Variants in PRUNE2 observed in about 807,000 individuals in gnomAD.
PRUNE2 encodes protein prune homolog 2.
Under a neutral mutation model 252.0 loss-of-function variants are expected in PRUNE2, and 164 were observed. The observed-to-expected ratio is 0.65, with a 90% CI of 0.57 to 0.74. The LOEUF (loss-of-function observed/expected upper bound fraction) is 0.74, where lower values mean the gene tolerates loss of function less well. PRUNE2 is among the 30% of genes least tolerant of loss of function. The pLI is 0.00. For missense variants in PRUNE2, 3,495 were observed against 3,711.0 expected (o/e 0.94, Z 1.51); for synonymous variants, 1,292 against 1,350.2 (o/e 0.96, Z 0.94).
At chr9:76,762,698 C>A (rs78705373) in intron 6 of PRUNE2, among the ~76,000 whole-genome samples, 1,632 of 152,198 alleles carry the variant, frequency 0.011, 28 homozygotes, top group East Asian at 0.079. Flanking sequence ...TGTATGGAGG[C>A]GGAGGTCCCT....
chr9:76,790,162 T>TC (rs2055416888), intron 6 of PRUNE2, among the ~76,000 whole-genome samples: 1 of 152,166 alleles, frequency 6.6e-6, no homozygotes, highest in Admixed American at 6.5e-5. Flanking sequence ...TTGTTCATAC[T>TC]CCAAGTAAGC....
At position 76,792,153 on chromosome 9, in the gene PRUNE2, G is replaced by T. The variant is rs115495178; in HGVS notation, c.756+31479C>A. Among the ~76,000 whole-genome samples, 1,448 of 151,840 alleles carry T rather than the reference G, an allele frequency of 9.5e-3. 19 individuals are homozygous for T. The highest frequency in any genetic ancestry group is 0.034 in the African/African-American group (1,385 of 41,186). On this transcript the variant is annotated intron_variant, in intron 6 of 18. Transcript: ENST00000376718. ...GCTGCTATATTTCCCATGTGTGGTG[G>T]GAGGGGCCTGGTGGGAGGTAATTGA...
At chr9:76,663,086 T>C (rs770711178) in intron 9 of PRUNE2, among the ~76,000 whole-genome samples, 27 of 152,216 alleles carry the variant, frequency 1.8e-4, no homozygotes, top group Admixed American at 4.6e-4. Context: ...TGGCACCCTG[T>C]GAACCACAGA....
chr9:76,850,466 GC>G lies in PRUNE2; in HGVS notation c.340del (p.Ala114ArgfsTer7). 6.2e-7 allele frequency: 1 copy of G among 1,612,802 alleles called. No individual in the cohort carries two copies. The highest frequency in any genetic ancestry group is 8.5e-7 in the Non-Finnish European group (1 of 1,178,840). On this transcript the variant is annotated frameshift_variant, in exon 3 of 19. Coordinates refer to ENST00000376718, the MANE Select transcript of PRUNE2 (RefSeq NM_015225.3). LOFTEE classifies it high-confidence loss of function. ...AGAGCTTCACAGTGGATCTTACCTC[GC>G]CAGCACACTGCTGCCAACAAGTGTT... ...SITLVGSSVL[A>X]SEDKTLESAV...
chr9:76,869,826 G>A (rs1041986284), intron 1 of PRUNE2, among the ~76,000 whole-genome samples: 2 of 152,282 alleles, frequency 1.3e-5, no homozygotes, highest in South Asian at 2.1e-4. Flanking sequence ...TTTTTCAGCT[G>A]CTCAAACATT....
Position 76,703,490 on chromosome 9 carries a change from C to T in PRUNE2, c.8123G>A (p.Gly2708Asp), listed in dbSNP as rs373017513. 2 of 1,613,870 alleles carry T rather than the reference C, an allele frequency of 1.2e-6. No individual in the cohort carries two copies. Among genetic ancestry groups the T allele is most frequent in the Non-Finnish European group, 1.7e-6 (2 of 1,179,852 alleles). ...AGCCTGCAACGTAACTGCATCCGGGCCAGCCCTGCCTCGGCTCTTACTCTT... is the reference window on the plus strand; with the variant it reads ...AGCCTGCAACGTAACTGCATCCGGGTCAGCCCTGCCTCGGCTCTTACTCTT... ...SQKSKSRGRA[G>D]PDAVTLQAVT... The change falls in exon 9 of 19, where the codon GGC (glycine) becomes GAC (aspartate). Residue 2708 changes from glycine (G) to aspartate (D), a missense_variant. Gly to Asp is a moderately conservative substitution (Grantham distance 94). Coordinates refer to ENST00000376718, the MANE Select transcript of PRUNE2 (RefSeq NM_015225.3).
chr9:76,849,869 A>G (rs2059863436), intron 3 of PRUNE2, among the ~76,000 whole-genome samples: 1 of 152,014 alleles, frequency 6.6e-6, no homozygotes, highest in African/African-American at 2.4e-5. Context: ...ACCCCCTATA[A>G]TTTGGTCAAT....
intron 1 of PRUNE2, among the ~76,000 whole-genome samples, chr9:76,870,667 C>T (rs2061141938): frequency 7.0e-6 from 1 of 143,584 alleles, no homozygotes; most frequent in East Asian, 2.0e-4. Flanking sequence ...GCCTGGGTGA[C>T]AGAGCGAGAT....
rs2051263613 is a variant in PRUNE2, at chr9:76,757,504, T to C, written c.757-43783A>G. On this transcript the variant is annotated intron_variant, in intron 6 of 18. Coordinates refer to ENST00000376718, the MANE Select transcript of PRUNE2 (RefSeq NM_015225.3). ...CTGAAATTTCAGAAACTAAAGCATC[T>C]ATAAACCATTCTAAGTTTTTCTGCT... Among the ~76,000 whole-genome samples the C allele has an allele frequency of 5.3e-5, 8 of 152,318 alleles. No homozygotes were observed. The South Asian group carries it at 1.7e-3, about 32-fold the overall frequency.
At chr9:76,652,862 C>T (rs570578101) in intron 10 of PRUNE2, among the ~76,000 whole-genome samples, 179 bp from the exon 11 acceptor site, 3 of 152,116 alleles carry the variant, frequency 2.0e-5, no homozygotes, top group African/African-American at 7.2e-5. Flanking sequence ...GATGTTCAGC[C>T]AGTAAGTATA....
chr9:76,872,245 C>A (rs2061248405), intron 1 of PRUNE2, among the ~76,000 whole-genome samples: 1 of 152,212 alleles, frequency 6.6e-6, no homozygotes, highest in Non-Finnish European at 1.5e-5. Context: ...AGCTCCTCCT[C>A]AGCTCTTTGC....
intron 6 of PRUNE2, among the ~76,000 whole-genome samples, chr9:76,800,029 T>A (rs35260044): frequency 6.6e-6 from 1 of 152,114 alleles, no homozygotes; most frequent in East Asian, 1.9e-4. Flanking sequence ...AGACCCCAGA[T>A]GAAAATCTCA....
At chr9:76,768,159 T>C (rs983815585) in intron 6 of PRUNE2, among the ~76,000 whole-genome samples, 4 of 151,982 alleles carry the variant, frequency 2.6e-5, no homozygotes, top group Admixed American at 6.6e-5. Flanking sequence ...AGCTTGGCTA[T>C]ACCTTGCCCT....
At chr9:76,752,330 C>A (rs1302188809) in intron 6 of PRUNE2, among the ~76,000 whole-genome samples, 7 of 152,118 alleles carry the variant, frequency 4.6e-5, no homozygotes, top group Non-Finnish European at 7.4e-5. Flanking sequence ...ATCTCCTGAC[C>A]TCGTGATCCA....
chr9:76,687,855 G>A (rs530658119), intron 9 of PRUNE2, among the ~76,000 whole-genome samples: 32 of 152,178 alleles, frequency 2.1e-4, no homozygotes, highest in Non-Finnish European at 3.7e-4. Flanking sequence ...AGTCCTACAC[G>A]AATTTCAGAG....
chr9:76,906,101 C>A lies in PRUNE2; in HGVS notation c.-138G>T. The stretch of plus-strand genomic sequence containing the variant: ...ACTGCTCCCTCCTGCCGCTCTGAGG[C>A]GGCTGCGGCGGAGGCTGTGCTTGCG... On this transcript the variant is annotated 5_prime_UTR_variant, in exon 1 of 19. Coordinates refer to ENST00000376718, the MANE Select transcript of PRUNE2 (RefSeq NM_015225.3). The A allele has an allele frequency of 1.1e-6, 1 of 925,476 alleles. No individual in the cohort carries two copies. Among genetic ancestry groups the A allele is most frequent in the Non-Finnish European group, 1.7e-6 (1 of 573,800 alleles). 57.3% of individuals were successfully genotyped at this position (925,476 alleles called of 1,614,324 possible). A position where few individuals can be genotyped will look rare whatever the true frequency, so the allele number is the denominator to read the frequency against.
chr9:76,885,134 A>C (rs533852796), intron 1 of PRUNE2, among the ~76,000 whole-genome samples: 2 of 143,618 alleles, frequency 1.4e-5, no homozygotes, highest in African/African-American at 6.0e-5. Context: ...TAAAGGGGGA[A>C]AAAAATCAAA....
chr9:76,651,480 T>A (rs1588163195), intron 11 of PRUNE2, among the ~76,000 whole-genome samples: 1 of 152,228 alleles, frequency 6.6e-6, no homozygotes, highest in East Asian at 1.9e-4. Flanking sequence ...CTTTTAAGAT[T>A]GCGTGAATTT....
chr9:76,898,833 CTCT>C (rs2062999412), intron 1 of PRUNE2, among the ~76,000 whole-genome samples: 1 of 152,186 alleles, frequency 6.6e-6, no homozygotes, highest in Non-Finnish European at 1.5e-5. Context: ...TTCAAAAAGA[CTCT>C]GGCATTACAG....
Sources: allele counts gnomAD v4.1 joint callset (sites outside exome capture counted in the v4.1 genomes callset), GRCh38; gene constraint gnomAD v4.1.1; transcripts MANE v1.5; gene names NCBI Gene and HGNC (gene_info 2026-07-23, HGNC 2026-07-21).